MYO5B: variants seen among roughly 807,000 people sequenced by gnomAD.
The protein encoded by MYO5B is unconventional myosin-Vb.
Under a neutral mutation model 229.3 loss-of-function variants are expected in MYO5B, and 143 were observed. That is an observed-to-expected ratio of 0.62 (90% CI 0.54 to 0.72). The LOEUF is 0.72. Ranked by LOEUF, MYO5B falls within the 30% of genes least tolerant of loss-of-function variation. The pLI is 0.00. For missense variants in MYO5B, 2,321 were observed against 2,331.0 expected, an observed-to-expected ratio of 1.00 and a Z score of 0.09; for synonymous variants, 918 against 885.2, an observed-to-expected ratio of 1.04 and a Z score of -0.66.
At chr18:49,877,229 A>C (rs1409677036) in intron 25 of MYO5B, among the ~76,000 whole-genome samples, 1 of 152,226 alleles carries the variant, frequency 6.6e-6, no homozygotes, top group African/African-American at 2.4e-5. Flanking sequence ...AAGACCACAC[A>C]GTCCACTGTG....
intron 10 of MYO5B, 64 bp downstream of exon 10, chr18:49,974,286 T>C (rs983622712): frequency 3.7e-6 from 6 of 1,608,652 alleles, no homozygotes; most frequent in Non-Finnish European, 5.1e-6. Context: ...CCCTGCTGGC[T>C]GTAAAGTATG....
chr18:50,145,397 G>A (rs1178867126), intron 1 of MYO5B, among the ~76,000 whole-genome samples: 5 of 150,812 alleles, frequency 3.3e-5, no homozygotes, highest in Non-Finnish European at 7.4e-5. Context: ...TGAGGCAGGA[G>A]AATGGCGTGA....
intron 22 of MYO5B, 96 bp downstream of exon 22, chr18:49,894,845 A>G (rs1489844341): frequency 3.7e-6 from 4 of 1,088,874 alleles, no homozygotes; most frequent in Non-Finnish European, 5.5e-6. Flanking sequence ...AGACCATGGC[A>G]ATTTTACCAC....
chr18:50,004,101 T>C (rs549785499), intron 4 of MYO5B, among the ~76,000 whole-genome samples: 10 of 152,268 alleles, frequency 6.6e-5, no homozygotes, highest in African/African-American at 2.4e-4. Context: ...GGGGAGTGAC[T>C]GGAAAGTCAT....
intron 10 of MYO5B, among the ~76,000 whole-genome samples, chr18:49,973,453 C>T (rs1042691816): frequency 3.9e-5 from 6 of 152,262 alleles, no homozygotes; most frequent in Admixed American, 6.5e-5. Context: ...GTTCTTACGA[C>T]GCTTCACTTC....
intron 7 of MYO5B, among the ~76,000 whole-genome samples, chr18:49,988,709 C>T (rs1038999599): frequency 2.0e-5 from 3 of 152,180 alleles, no homozygotes; most frequent in Admixed American, 6.5e-5. Flanking sequence ...CTATGTTCTG[C>T]TCTGGGAAGG....
intron 21 of MYO5B, 42 bp downstream of exon 21, chr18:49,902,552 C>A: frequency 6.2e-7 from 1 of 1,603,990 alleles, no homozygotes; most frequent in Non-Finnish European, 8.5e-7. Flanking sequence ...TGCTCCAGTA[C>A]CCAAGCCCCC....
intron 5 of MYO5B, among the ~76,000 whole-genome samples, chr18:49,999,553 G>A (rs539747168): frequency 1.6e-4 from 25 of 152,354 alleles, no homozygotes; most frequent in African/African-American, 5.8e-4. Context: ...ATGATATGGG[G>A]ACAAGGCTTA....
At chr18:50,044,174 G>T (rs2030153959) in intron 2 of MYO5B, among the ~76,000 whole-genome samples, 1 of 152,166 alleles carries the variant, frequency 6.6e-6, no homozygotes, top group Non-Finnish European at 1.5e-5. Flanking sequence ...CAGAAAAGAG[G>T]TGGGGGCTGC....
chr18:50,168,291 G>C (rs2032881814), intron 1 of MYO5B, among the ~76,000 whole-genome samples: 1 of 152,220 alleles, frequency 6.6e-6, no homozygotes, highest in African/African-American at 2.4e-5. Context: ...AGCTAAGGGA[G>C]TAAAGTGGAA....
chr18:50,034,313 A>G (rs2026424501), intron 4 of MYO5B, among the ~76,000 whole-genome samples: 1 of 152,214 alleles, frequency 6.6e-6, no homozygotes, highest in Non-Finnish European at 1.5e-5. Flanking sequence ...CCATACAGGA[A>G]ATACAGCAAA....
rs149974095 is a variant in MYO5B, at chr18:49,845,691, TTCTCCTCTTTCCCACAGGACTC to T, written c.4459+1433_4459+1454del. ...TCCAGAGGATCAGACCACCAAAGATTTCTCCTCTTTCCCACAGGACTCTCTCCTCTAAGACTCTTCCTGGCTC... is the reference window on the plus strand; with the variant it reads ...TCCAGAGGATCAGACCACCAAAGATTTCTCCTCTAAGACTCTTCCTGGCTC... On this transcript the variant is annotated intron_variant, in intron 33 of 39. Coordinates refer to ENST00000285039, the MANE Select transcript of MYO5B (RefSeq NM_001080467.3). Among the ~76,000 whole-genome samples the T allele has an allele frequency of 7.9e-3, 1,205 of 152,194 alleles. 14 individuals carry two copies. The highest frequency in any genetic ancestry group is 0.022 in the African/African-American group (929 of 41,536).
intron 29 of MYO5B, among the ~76,000 whole-genome samples, chr18:49,861,083 CACACTGCGAAGCT>C (rs952845766): frequency 1.3e-5 from 2 of 152,232 alleles, no homozygotes; most frequent in Non-Finnish European, 2.9e-5. Flanking sequence ...TGGTGCAGCA[CACACTGCGAAGCT>C]GGCTCTTCAG....
chr18:50,100,094 G>A (rs549183887), intron 1 of MYO5B, among the ~76,000 whole-genome samples: 11 of 152,300 alleles, frequency 7.2e-5, no homozygotes, highest in Non-Finnish European at 1.0e-4. Context: ...GCTAGAAACC[G>A]GAAGAACACT....
chr18:49,962,479 T>G, intron 11 of MYO5B, 73 bp from the exon 12 acceptor site: 1 of 1,599,018 alleles, frequency 6.3e-7, no homozygotes, highest in Non-Finnish European at 8.6e-7. Context: ...AGGGGCTCAG[T>G]GAGTTCTGGG....
At chr18:50,081,153 C>T (rs774160226) in intron 1 of MYO5B, among the ~76,000 whole-genome samples, 1 of 152,166 alleles carries the variant, frequency 6.6e-6, no homozygotes, top group Non-Finnish European at 1.5e-5. Context: ...CTTCACCTCT[C>T]CTAAGGTTGA....
chr18:50,194,946 C>G lies in MYO5B; in HGVS notation c.-153G>C. 1 of 1,112,908 alleles carries G rather than the reference C, an allele frequency of 9.0e-7. No homozygotes were observed. 68.9% of individuals were successfully genotyped at this position (1,112,908 alleles called of 1,614,324 possible). A position where few individuals can be genotyped will look rare whatever the true frequency, so the allele number is the denominator to read the frequency against. ...ACCTGCCCCGCCGGCTTCCCGCAGG[C>G]GCCGCGGCCGGCTCGCTCCCGGCGG... On this transcript the variant is annotated 5_prime_UTR_variant, in exon 1 of 40. Coordinates refer to ENST00000285039, the MANE Select transcript of MYO5B (RefSeq NM_001080467.3).
intron 1 of MYO5B, among the ~76,000 whole-genome samples, chr18:50,193,871 G>A (rs1376976689): frequency 6.6e-6 from 1 of 152,236 alleles, no homozygotes; most frequent in Non-Finnish European, 1.5e-5. Flanking sequence ...GAGCTCCCCT[G>A]GAAGCGGTGG....
intron 21 of MYO5B, among the ~76,000 whole-genome samples, chr18:49,895,418 C>T (rs1211880815): frequency 3.9e-5 from 6 of 152,172 alleles, no homozygotes; most frequent in East Asian, 1.9e-4. Flanking sequence ...AAGGAGCTTT[C>T]GTGAGCATGT....
Sources: allele counts gnomAD v4.1 joint callset (sites outside exome capture counted in the v4.1 genomes callset), GRCh38; gene constraint gnomAD v4.1.1; transcripts MANE v1.5; gene names NCBI Gene and HGNC (gene_info 2026-07-23, HGNC 2026-07-21).